RHOG: variants seen among roughly 807,000 people sequenced by gnomAD.
RHOG encodes ras homolog family member G.
In RHOG, 1 loss-of-function variant was observed where a neutral mutation model predicts 12.3. The observed-to-expected ratio is 0.08, with a 90% CI of 0.03 to 0.39. The LOEUF (loss-of-function observed/expected upper bound fraction) is 0.39, where lower values mean the gene tolerates loss of function less well. Among genes scored for constraint, RHOG ranks in the 10% least tolerant of loss-of-function variants. The pLI, the probability that RHOG is intolerant of heterozygous loss-of-function variation, is 0.99. For missense variants in RHOG, 114 were observed against 266.2 expected (o/e 0.43, Z 3.98); for synonymous variants, 129 against 116.0 (o/e 1.11, Z -0.72).
At chr11:3,839,483 C>T (rs1031041297) in intron 1 of RHOG, among the ~76,000 whole-genome samples, 8 of 104,902 alleles carry the variant, frequency 7.6e-5, no homozygotes, top group South Asian at 3.4e-4. Context: ...CACGCGCGCG[C>T]GAACACACAC....
At position 3,827,395 on chromosome 11, in the gene RHOG, C is replaced by G. The variant is rs11558507; in HGVS notation, c.*168G>C. The G allele has an allele frequency of 3.2e-6, 2 of 616,050 alleles. No individual in the cohort carries two copies. The highest frequency in any genetic ancestry group is 5.7e-6 in the Non-Finnish European group (2 of 351,296). The allele number at this position is 616,050 out of a possible 1,614,324, so 38.2% of individuals were successfully genotyped here. On this transcript the variant is annotated 3_prime_UTR_variant, in exon 2 of 2. Transcript: ENST00000351018. The surrounding 1 kb of genome is among the most constrained non-coding windows in gnomAD (Gnocchi z 7.3). ...GGGGCAGAGCCCAAAGCCCCTTTCT[C>G]TGCAGGCCTCCTTAAGGAGAAAAAG...
chr11:3,829,914 T>G (rs1225755960), intron 1 of RHOG, among the ~76,000 whole-genome samples: 1 of 152,096 alleles, frequency 6.6e-6, no homozygotes, highest in East Asian at 1.9e-4. Context: ...GTCCAGCTAA[T>G]TTTTGTATTT....
intron 1 of RHOG, among the ~76,000 whole-genome samples, chr11:3,839,599 G>A (rs1030535195): frequency 2.7e-5 from 2 of 74,126 alleles, no homozygotes; most frequent in African/African-American, 5.9e-5. Context: ...GAACACACAC[G>A]CAAACACACA....
chr11:3,827,858 C>A lies in RHOG; in HGVS notation c.281G>T (p.Arg94Leu), dbSNP rs373814185. 1 of 1,614,062 alleles carries A rather than the reference C, an allele frequency of 6.2e-7. No homozygotes were observed. Among genetic ancestry groups the A allele is most frequent in the Non-Finnish European group, 8.5e-7 (1 of 1,180,036 alleles). ...GCACACCTCTGGATGCCACTTGTGC[C>A]GCACGTTCTCATAGGACGGCGGACT... ...IASPPSYENV[R>L]HKWHPEVCHH... The change falls in exon 2 of 2, where the codon CGG becomes CTG. Residue 94 changes from arginine (R) to leucine (L), a missense_variant. By Grantham distance (102) the Arg-to-Leu change is moderately radical. Coordinates refer to ENST00000351018, the MANE Select transcript of RHOG (RefSeq NM_001665.4). This position sits in a 1 kb window ranked among gnomAD's most constrained non-coding sequence, Gnocchi z 7.3.
Position 3,828,180 on chromosome 11 carries a change from C to T in RHOG, c.-42G>A, listed in dbSNP as rs962877052. ...GTAGTGGAGGCAGTGCCTCCTCTCT[C>T]TTCTGGACCCCTCTGGCTGCAGTGA... On this transcript the variant is annotated 5_prime_UTR_variant, in exon 2 of 2. Transcript: ENST00000351018. The T allele has an allele frequency of 6.5e-7, 1 of 1,546,430 alleles. No homozygotes were observed. Among genetic ancestry groups the T allele is most frequent in the Middle Eastern group, 1.7e-4 (1 of 5,928 alleles).
rs544790580 is a variant in RHOG, at chr11:3,828,873, G to A, written c.-68-667C>T. 2.6e-5 allele frequency among the ~76,000 whole-genome samples: 4 copies of A among 151,974 alleles called. No homozygotes were observed. In the East Asian group the frequency reaches 7.7e-4, roughly 29 times the overall value. ...CTGACCTCGTGATCCGCCCGCCTTG[G>A]CCTCCTAAAGTGCTGGGATTACAGG... On this transcript the variant is annotated intron_variant, in intron 1 of 1. Coordinates refer to ENST00000351018, the MANE Select transcript of RHOG (RefSeq NM_001665.4).
chr11:3,836,789 G>A (rs1053253959), intron 1 of RHOG, among the ~76,000 whole-genome samples: 15 of 150,758 alleles, frequency 9.9e-5, no homozygotes, highest in Admixed American at 9.3e-4. Flanking sequence ...GGTAGTCCCC[G>A]CTACCTGGGA....
intron 1 of RHOG, among the ~76,000 whole-genome samples, chr11:3,837,333 C>T (rs2090163665): frequency 6.6e-6 from 1 of 152,136 alleles, no homozygotes; most frequent in Non-Finnish European, 1.5e-5. Flanking sequence ...ATCTTACTAC[C>T]CCCTGGCAAA....
rs2090080174 is a variant in RHOG at position 3,827,044 on chromosome 11, G to C, written c.*519C>G. On this transcript the variant is annotated 3_prime_UTR_variant, in exon 2 of 2. Coordinates refer to ENST00000351018, the MANE Select transcript of RHOG (RefSeq NM_001665.4). The surrounding 1 kb of genome is among the most constrained non-coding windows in gnomAD (Gnocchi z 7.3). Reference sequence around the variant, plus strand: ...AAAGGTCCCCAGAAGCATGGGGGCTGAGTCAGTCAGCAAATGCGTAAGGCC... The same window carrying C: ...AAAGGTCCCCAGAAGCATGGGGGCTCAGTCAGTCAGCAAATGCGTAAGGCC... The C allele has an allele frequency of 6.3e-6, 1 of 157,874 alleles. No individual in the cohort carries two copies. Among genetic ancestry groups the C allele is most frequent in the Non-Finnish European group, 1.4e-5 (1 of 71,410 alleles). 9.8% of individuals were successfully genotyped at this position (157,874 alleles called of 1,614,324 possible). A position where few individuals can be genotyped will look rare whatever the true frequency, so the allele number is the denominator to read the frequency against.
intron 1 of RHOG, among the ~76,000 whole-genome samples, chr11:3,836,563 A>C (rs2090157851): frequency 6.6e-6 from 1 of 151,656 alleles, no homozygotes; most frequent in Non-Finnish European, 1.5e-5. Flanking sequence ...CTAGTTCCCA[A>C]CCTTCTTCCC....
chr11:3,834,920 T>A (rs1185373683), intron 1 of RHOG, among the ~76,000 whole-genome samples: 1 of 152,124 alleles, frequency 6.6e-6, no homozygotes, highest in Non-Finnish European at 1.5e-5. Context: ...CTACAATCCA[T>A]CTCTGGCCAT....
chr11:3,833,482 T>C (rs1465067191), intron 1 of RHOG, among the ~76,000 whole-genome samples: 1 of 152,186 alleles, frequency 6.6e-6, no homozygotes, highest in East Asian at 1.9e-4. Context: ...CCAATTCAGA[T>C]CATGCCTGGT....
intron 1 of RHOG, among the ~76,000 whole-genome samples, chr11:3,833,551 G>C (rs749386526): frequency 1.6e-4 from 25 of 152,188 alleles, no homozygotes; most frequent in South Asian, 4.1e-4. Flanking sequence ...GAGTTACGTA[G>C]ACTTGGGTTT....
chr11:3,832,291 A>C (rs1475055746), intron 1 of RHOG, among the ~76,000 whole-genome samples: 1 of 152,204 alleles, frequency 6.6e-6, no homozygotes, highest in African/African-American at 2.4e-5. Flanking sequence ...AAAGTAACTC[A>C]ACATCACACA....
intron 1 of RHOG, among the ~76,000 whole-genome samples, chr11:3,829,008 G>A (rs1051543810): frequency 1.9e-4 from 29 of 151,934 alleles, no homozygotes; most frequent in Non-Finnish European, 3.8e-4. Flanking sequence ...TACTAAATAT[G>A]GACCCTTTCC....
intron 1 of RHOG, among the ~76,000 whole-genome samples, chr11:3,828,719 G>A (rs2090105150): frequency 6.7e-6 from 1 of 149,506 alleles, no homozygotes; most frequent in Admixed American, 6.7e-5. Flanking sequence ...CGCCTCCTGG[G>A]TTCACGCCAT....
intron 1 of RHOG, among the ~76,000 whole-genome samples, chr11:3,838,402 A>G (rs2090168930): frequency 6.6e-6 from 1 of 152,160 alleles, no homozygotes; most frequent in Admixed American, 6.5e-5. Context: ...TTGCTCAGTT[A>G]CGCAGAATAC....
Position 3,828,291 on chromosome 11 carries a change from C to T in RHOG, c.-68-85G>A, listed in dbSNP as rs115918827. ...AAGATGGGGGCACACAAAGGGAAAC[C>T]GGCTCCTGTTCCCTTAACCTGACAC... On this transcript the variant is annotated intron_variant, in intron 1 of 1. Coordinates refer to ENST00000351018, the MANE Select transcript of RHOG (RefSeq NM_001665.4). The T allele has an allele frequency of 2.4e-3, 1,593 of 665,742 alleles. 23 individuals are homozygous for T. In the African/African-American group the frequency reaches 0.026, roughly 11 times the overall value. The allele number at this position is 665,742 out of a possible 1,614,324, so 41.2% of individuals were successfully genotyped here. A position where few individuals can be genotyped will look rare whatever the true frequency, so the allele number is the denominator to read the frequency against.
In RHOG at chr11:3,827,759, C is replaced by T. The variant is rs1418665831; in HGVS notation, c.380G>A (p.Arg127Gln). Residue 127 changes from arginine (R) to glutamine (Q), a missense_variant, in exon 2 of 2, where the codon CGG (arginine) becomes CAG (glutamine). Transcript: ENST00000351018. The surrounding 1 kb of genome is among the most constrained non-coding windows in gnomAD (Gnocchi z 7.3). ...KDLRAQPDTL[R>Q]RLKEQGQAPI... ...CGCCTGGCCCTGCTCCTTGAGGCGC[C>T]GTAGGGTGTCAGGCTGGGCTCTCAG... 3.7e-6 allele frequency: 6 copies of T among 1,613,850 alleles called. No individual in the cohort carries two copies. Among genetic ancestry groups the T allele is most frequent in the Non-Finnish European group, 5.1e-6 (6 of 1,179,880 alleles).
Sources: allele counts gnomAD v4.1 joint callset (sites outside exome capture counted in the v4.1 genomes callset), GRCh38; gene constraint gnomAD v4.1.1; non-coding constraint Gnocchi (gnomAD v3.1); transcripts MANE v1.5; gene names NCBI Gene and HGNC (gene_info 2026-07-23, HGNC 2026-07-21).